VRK1: variants seen among roughly 807,000 people sequenced by gnomAD.
VRK1 encodes the protein VRK serine/threonine kinase 1, also known as serine/threonine-protein kinase VRK1.
A neutral mutation model predicts 57.1 loss-of-function variants in VRK1; 33 were observed. The ratio of observed to expected loss-of-function variants is 0.58; its 90% CI spans 0.44 to 0.77. The LOEUF is 0.77. VRK1 is among the 30% of genes least tolerant of loss of function. VRK1 has a pLI of 0.00. For synonymous variants in VRK1, 137 were observed against 147.8 expected (o/e 0.93, Z 0.53); for missense variants, 413 against 477.3 (o/e 0.87, Z 1.25).
chr14:96,876,794 CAA>C (rs1468748898), intron 12 of VRK1, among the ~76,000 whole-genome samples: 11 of 144,822 alleles, frequency 7.6e-5, no homozygotes, highest in Non-Finnish European at 1.7e-4. Context: ...AAAAAAAACA[CAA>C]AAAAACAAAA....
intron 5 of VRK1, among the ~76,000 whole-genome samples, chr14:96,847,585 A>G (rs966836953): frequency 6.6e-6 from 1 of 152,016 alleles, no homozygotes; most frequent in Non-Finnish European, 1.5e-5. Context: ...TCTGCAGAGC[A>G]GTATCAACTG....
In VRK1 at chr14:96,867,740, C is replaced by T. The variant is rs537218925; in HGVS notation, c.1068+7005C>T. ...CGACCACATGTTCATTTCCTTAACG[C>T]TGTTTTGTATAGATCTGTGGGCTTC... On this transcript the variant is annotated intron_variant, in intron 11 of 12. Coordinates refer to ENST00000216639, the MANE Select transcript of VRK1 (RefSeq NM_003384.3). 6.6e-5 allele frequency among the ~76,000 whole-genome samples: 10 copies of T among 152,270 alleles called. No homozygotes were observed. The South Asian group carries it at 1.2e-3, about 19-fold the overall frequency.
intron 11 of VRK1, among the ~76,000 whole-genome samples, chr14:96,865,155 A>G (rs938321419): frequency 6.8e-6 from 1 of 148,092 alleles, no homozygotes; most frequent in Admixed American, 6.7e-5. Context: ...TCTACTTAGG[A>G]TCATGAAGAT....
At chr14:96,877,680 C>T in intron 12 of VRK1, 1 of 1,272,128 alleles carries the variant, frequency 7.9e-7, no homozygotes, top group African/African-American at 1.5e-5. Flanking sequence ...AAAGATCCTG[C>T]ATTGTTCTAG....
intron 7 of VRK1, 107 bp from the exon 8 acceptor site, chr14:96,855,117 T>G (rs1238395013): frequency 9.7e-6 from 15 of 1,544,632 alleles, no homozygotes; most frequent in Non-Finnish European, 1.3e-5. Flanking sequence ...GGAATGACCT[T>G]GTAGGTGAAC....
At chr14:96,860,296 G>C (rs1001638715) in intron 10 of VRK1, among the ~76,000 whole-genome samples, 2 of 151,714 alleles carry the variant, frequency 1.3e-5, no homozygotes, top group African/African-American at 4.8e-5. Context: ...ATTTTTATGA[G>C]TATTTACATT....
chr14:96,821,910 C>T (rs1489890936), intron 1 of VRK1, among the ~76,000 whole-genome samples: 1 of 152,054 alleles, frequency 6.6e-6, no homozygotes, highest in Non-Finnish European at 1.5e-5. Context: ...TTTGTAGTCG[C>T]TCCTCCCTCA....
chr14:96,798,567 CT>C (rs1267316841), intron 1 of VRK1, among the ~76,000 whole-genome samples: 2 of 151,846 alleles, frequency 1.3e-5, no homozygotes, highest in Non-Finnish European at 2.9e-5. Context: ...GTGTGTTTTT[CT>C]TTTCTTCTTC....
At chr14:96,820,191 A>C (rs927286488) in intron 1 of VRK1, among the ~76,000 whole-genome samples, 4 of 152,024 alleles carry the variant, frequency 2.6e-5, no homozygotes, top group African/African-American at 9.7e-5. Flanking sequence ...TCATTGTTGT[A>C]GTGTAGAATA....
In VRK1 at chr14:96,881,409, T is replaced by C; in HGVS notation, c.*201T>C. The C allele has an allele frequency of 1.8e-6, 1 of 551,062 alleles. No homozygotes were observed. The highest frequency in any genetic ancestry group is 3.1e-6 in the Non-Finnish European group (1 of 319,254). 34.1% of individuals were successfully genotyped at this position (551,062 alleles called of 1,614,324 possible). On this transcript the variant is annotated 3_prime_UTR_variant, in exon 13 of 13. Transcript: ENST00000216639. ...AAGGCTAATTTATGAAATTTGAAAA[T>C]CTTCAGGTTATACTCCTTAAGTTAT...
intron 1 of VRK1, among the ~76,000 whole-genome samples, chr14:96,812,000 A>C (rs535869244): frequency 6.6e-6 from 1 of 152,336 alleles, no homozygotes; most frequent in African/African-American, 2.4e-5. Context: ...TTTGTCTATA[A>C]ATTTATCAAT....
chr14:96,863,296 T>C (rs1042986268), intron 11 of VRK1, among the ~76,000 whole-genome samples: 1 of 152,220 alleles, frequency 6.6e-6, no homozygotes, highest in Non-Finnish European at 1.5e-5. Context: ...GCAACAGTTA[T>C]TGGATTCAGT....
At chr14:96,869,315 T>C (rs1450720494) in intron 11 of VRK1, among the ~76,000 whole-genome samples, 1 of 152,218 alleles carries the variant, frequency 6.6e-6, no homozygotes, top group East Asian at 1.9e-4. Flanking sequence ...TTCTTGATGA[T>C]AAGAAAATAA....
At chr14:96,806,449 G>A (rs1885882012) in intron 1 of VRK1, among the ~76,000 whole-genome samples, 1 of 152,186 alleles carries the variant, frequency 6.6e-6, no homozygotes, top group South Asian at 2.1e-4. Flanking sequence ...GATACTTGTG[G>A]AATATGTGCT....
chr14:96,871,611 A>G (rs1888825747), intron 11 of VRK1, among the ~76,000 whole-genome samples: 1 of 152,218 alleles, frequency 6.6e-6, no homozygotes, highest in Non-Finnish European at 1.5e-5. Flanking sequence ...ACTATTTTAT[A>G]GTGTCTATTT....
At chr14:96,798,429 T>C (rs1490655893) in intron 1 of VRK1, among the ~76,000 whole-genome samples, 1 of 152,212 alleles carries the variant, frequency 6.6e-6, no homozygotes, top group Admixed American at 6.5e-5. Flanking sequence ...TCATTTTTGT[T>C]TTCCTTTGTA....
In VRK1 at chr14:96,833,545, T is replaced by C. The variant is rs1887096586; in HGVS notation, c.74T>C (p.Val25Ala). Residue 25 changes from valine to alanine, a missense_variant, in exon 2 of 13, where the codon GTT becomes GCT. This residue lies in a region of VRK1 where 116 missense variants were observed against 113.6 expected (regional missense o/e 1.02). Transcript: ENST00000216639. ...AKRHLAEQFA[V>A]GEIITDMAKK... ...AGACATCTTGCAGAACAATTTGCAG[T>C]TGGAGAGATAATAACTGACATGGCA... 6.2e-7 allele frequency: 1 copy of C among 1,613,784 alleles called. No individual in the cohort carries two copies. Among genetic ancestry groups the C allele is most frequent in the Non-Finnish European group, 8.5e-7 (1 of 1,179,774 alleles).
intron 1 of VRK1, among the ~76,000 whole-genome samples, chr14:96,798,407 C>T (rs928423764): frequency 6.6e-6 from 1 of 152,200 alleles, no homozygotes; most frequent in Non-Finnish European, 1.5e-5. Context: ...GATGTCCTTT[C>T]TTTCAAGTCA....
chr14:96,804,985 A>T (rs142443611), intron 1 of VRK1, among the ~76,000 whole-genome samples: 1 of 152,292 alleles, frequency 6.6e-6, no homozygotes, highest in African/African-American at 2.4e-5. Context: ...CCGTTGGCTC[A>T]TTGTTGATGT....
Sources: gnomAD v4.1 joint callset for allele counts (sites outside exome capture counted in the v4.1 genomes callset) on GRCh38, gnomAD v4.1.1 for gene constraint, gnomAD v4.1.1 regional missense constraint, MANE v1.5 for transcripts, NCBI Gene and HGNC (gene_info 2026-07-23, HGNC 2026-07-21) for gene names.